WDFY4: variants seen among roughly 807,000 people sequenced by gnomAD.
WDFY4 encodes the protein WDFY family member 4.
A neutral mutation model predicts 351.9 loss-of-function variants in WDFY4; 169 were observed. That is an observed-to-expected ratio of 0.48 (90% confidence interval 0.42 to 0.55). The LOEUF is 0.55. WDFY4 is among the 20% of genes least tolerant of loss of function. The pLI, the probability that WDFY4 is intolerant of heterozygous loss-of-function variation, is 0.00. For synonymous variants in WDFY4, 1,622 were observed against 1,574.6 expected, an observed-to-expected ratio of 1.03 and a Z score of -0.71; for missense variants, 3,803 against 3,935.6, an observed-to-expected ratio of 0.97 and a Z score of 0.90.
chr10:48,757,737 A>T (rs2065378908), intron 12 of WDFY4, among the ~76,000 whole-genome samples: 3 of 151,470 alleles, frequency 2.0e-5, no homozygotes, highest in Admixed American at 2.0e-4. Flanking sequence ...TTATCTACTG[A>T]ATTTTTTGAC....
At chr10:48,934,297 G>T (rs973594609) in intron 47 of WDFY4, among the ~76,000 whole-genome samples, 3 of 152,176 alleles carry the variant, frequency 2.0e-5, no homozygotes, top group African/African-American at 7.2e-5. Flanking sequence ...TTAAAATGAG[G>T]TTCCTCCCTC....
chr10:48,799,412 T>G (rs959145356), intron 24 of WDFY4, among the ~76,000 whole-genome samples: 1 of 152,222 alleles, frequency 6.6e-6, no homozygotes, highest in Non-Finnish European at 1.5e-5. Flanking sequence ...ATGTGTGCAC[T>G]GTACGTGCCC....
At chr10:48,727,371 T>A in intron 6 of WDFY4, 99 bp from the exon 7 acceptor site, 1 of 1,225,908 alleles carries the variant, frequency 8.2e-7, no homozygotes, top group Non-Finnish European at 1.1e-6. Context: ...CCCATTCATG[T>A]CTTGACATGT....
chr10:48,921,057 C>T (rs1292056289), intron 47 of WDFY4, among the ~76,000 whole-genome samples: 1 of 152,102 alleles, frequency 6.6e-6, no homozygotes, highest in African/African-American at 2.4e-5. Flanking sequence ...GACTTAATGT[C>T]AACTCTCCCC....
intron 12 of WDFY4, among the ~76,000 whole-genome samples, chr10:48,759,997 A>AGT (rs375855392): frequency 2.4e-3 from 357 of 151,592 alleles, no homozygotes; most frequent in Non-Finnish European, 4.1e-3. Flanking sequence ...TGTGTGAGTG[A>AGT]GTGTGTGTGT....
At position 48,974,954 on chromosome 10, in the gene WDFY4, C is replaced by T. The variant is rs1231189665; in HGVS notation, c.9021C>T (p.Ile3007=). Residue 3007 remains isoleucine, a synonymous_variant, in exon 58 of 62, where the codon ATC becomes ATT. Coordinates refer to ENST00000325239, the MANE Select transcript of WDFY4 (RefSeq NM_001394531.1). ...LVSGSQDCTC[I]LWDLDHLTHV... ...GCGGCTCCCAGGACTGCACCTGTAT[C>T]CTGTGGGATCTGGACCACCTCACCC... is the stretch of plus-strand genomic sequence containing the variant. The T allele has an allele frequency of 1.3e-6, 2 of 1,551,690 alleles. No individual in the cohort carries two copies. The highest frequency in any genetic ancestry group is 2.4e-5 in the South Asian group (2 of 84,066).
chr10:48,924,634 C>T (rs538050883), intron 47 of WDFY4, among the ~76,000 whole-genome samples: 1 of 152,078 alleles, frequency 6.6e-6, no homozygotes, highest in South Asian at 2.1e-4. Flanking sequence ...TTTTTTTATA[C>T]TTTGGAAAAA....
At position 48,731,046 on chromosome 10, in the gene WDFY4, A is replaced by T. The variant is rs868142917; in HGVS notation, c.1130-64A>T. ...ATGGCATGCCCTCTTAGTAATGAAA[A>T]CATCTATTTGTAGACACAGGCAGGA... is the stretch of plus-strand genomic sequence containing the variant. On this transcript the variant is annotated intron_variant, in intron 8 of 61. Transcript: ENST00000325239. 1.7e-5 allele frequency: 24 copies of T among 1,434,676 alleles called. 1 individual carries two copies. In the Middle Eastern group the frequency reaches 2.9e-3, roughly 174 times the overall value. 88.9% of individuals were successfully genotyped at this position (1,434,676 alleles called of 1,614,324 possible). A position where few individuals can be genotyped will look rare whatever the true frequency, so the allele number is the denominator to read the frequency against.
chr10:48,762,059 A>C (rs2065524061), intron 13 of WDFY4, among the ~76,000 whole-genome samples: 1 of 152,068 alleles, frequency 6.6e-6, no homozygotes, highest in African/African-American at 2.4e-5. Flanking sequence ...GGGACCTGGC[A>C]CTCCCAGGAA....
At chr10:48,860,138 T>C (rs914194452) in intron 39 of WDFY4, among the ~76,000 whole-genome samples, 1 of 152,254 alleles carries the variant, frequency 6.6e-6, no homozygotes, top group African/African-American at 2.4e-5. Context: ...AAAGTACAGG[T>C]TTTTGTTTCA....
At chr10:48,832,513 C>A in intron 38 of WDFY4, 60 bp from the exon 39 acceptor site, 1 of 1,453,252 alleles carries the variant, frequency 6.9e-7, no homozygotes, top group Non-Finnish European at 9.2e-7. Context: ...GCCAAGCTAG[C>A]TATAAAAATA....
chr10:48,695,440 G>T (rs2063306452), intron 1 of WDFY4, among the ~76,000 whole-genome samples: 1 of 152,226 alleles, frequency 6.6e-6, no homozygotes, highest in Non-Finnish European at 1.5e-5. Flanking sequence ...AGTGCTGGAA[G>T]AGGGAACCTG....
intron 48 of WDFY4, among the ~76,000 whole-genome samples, chr10:48,942,395 C>T (rs2255687): frequency 0.93 from 140,639 of 151,790 alleles, 65,445 homozygotes; most frequent in East Asian, 1. Flanking sequence ...TGTGTGTGTG[C>T]GCGCACGCGC....
intron 28 of WDFY4, 146 bp downstream of exon 28, chr10:48,808,104 C>A (rs925388020): frequency 3.1e-6 from 2 of 641,868 alleles, no homozygotes; most frequent in Non-Finnish European, 4.9e-6. Flanking sequence ...AAATTATATT[C>A]TCTCTACCCA....
At chr10:48,975,310 T>C (rs933407801) in intron 58 of WDFY4, among the ~76,000 whole-genome samples, 1 of 152,058 alleles carries the variant, frequency 6.6e-6, no homozygotes, top group Non-Finnish European at 1.5e-5. Context: ...GCTGAAAAAT[T>C]GGCTTTTAGG....
At chr10:48,777,146 G>C (rs953880633) in intron 16 of WDFY4, among the ~76,000 whole-genome samples, 162 bp downstream of exon 16, 1 of 152,212 alleles carries the variant, frequency 6.6e-6, no homozygotes, top group African/African-American at 2.4e-5. Flanking sequence ...CGGCCTCCCA[G>C]GGGCTGTGTC....
At chr10:48,819,664 G>A (rs2067746844) in intron 32 of WDFY4, among the ~76,000 whole-genome samples, 1 of 152,130 alleles carries the variant, frequency 6.6e-6, no homozygotes, top group African/African-American at 2.4e-5. Context: ...AAACAAAATA[G>A]TGGATGCCAA....
At chr10:48,856,273 T>C (rs2069130286) in intron 39 of WDFY4, among the ~76,000 whole-genome samples, 1 of 152,142 alleles carries the variant, frequency 6.6e-6, no homozygotes, top group Non-Finnish European at 1.5e-5. Flanking sequence ...AGATAGCCAC[T>C]ATATTTTAAT....
chr10:48,787,219 G>A (rs1480892989), intron 20 of WDFY4, among the ~76,000 whole-genome samples: 1 of 152,204 alleles, frequency 6.6e-6, no homozygotes, highest in Non-Finnish European at 1.5e-5. Context: ...TAAACAGGCA[G>A]ACAAAACATC....
Sources: gnomAD v4.1 joint callset for allele counts (sites outside exome capture counted in the v4.1 genomes callset) on GRCh38, gnomAD v4.1.1 for gene constraint, MANE v1.5 for transcripts, NCBI Gene and HGNC (gene_info 2026-07-23, HGNC 2026-07-21) for gene names.